Variants in NBEAL1 observed in about 807,000 individuals in gnomAD.
The protein encoded by NBEAL1 is neurobeachin like 1, also known as neurobeachin-like protein 1.
In NBEAL1, 273 loss-of-function variants were observed where a neutral mutation model predicts 351.3. The ratio of observed to expected loss-of-function variants is 0.78; its 90% confidence interval spans 0.70 to 0.86. The LOEUF is 0.86. NBEAL1 is among the 40% of genes least tolerant of loss of function. The pLI is 0.00. For missense variants in NBEAL1, 2,961 were observed against 3,201.3 expected, an observed-to-expected ratio of 0.92 and a Z score of 1.81; for synonymous variants, 1,050 against 1,086.4, an observed-to-expected ratio of 0.97 and a Z score of 0.66.
At chr2:203,022,368 A>G (rs2060785938) in intron 2 of NBEAL1, among the ~76,000 whole-genome samples, 1 of 152,166 alleles carries the variant, frequency 6.6e-6, no homozygotes, top group African/African-American at 2.4e-5. Flanking sequence ...CATTTTTGTC[A>G]TTAGCTTTAA....
In NBEAL1 at chr2:203,059,595, C is replaced by T. The variant is rs2106101752; in HGVS notation, c.515+2142C>T. Among the ~76,000 whole-genome samples, 2 of 152,376 alleles carry T rather than the reference C, an allele frequency of 1.3e-5. 1 individual carries two copies. ...AACTCATTGTCCAGAACTGTGATTA[C>T]ATGTCCCCATCTACTACAGTGGGGC... On this transcript the variant is annotated intron_variant, in intron 6 of 55. Coordinates refer to ENST00000683969, the MANE Select transcript of NBEAL1 (RefSeq NM_001378026.1).
rs371836597 is a variant in NBEAL1 at position 203,209,169 on chromosome 2, G to A, written c.7632G>A (p.Thr2544=). The A allele has an allele frequency of 3.7e-6, 6 of 1,611,632 alleles. No individual in the cohort carries two copies. Among genetic ancestry groups the A allele is most frequent in the African/African-American group, 1.3e-5 (1 of 74,926 alleles). Residue 2544 remains threonine (T), a synonymous_variant, in exon 53 of 56, where the codon ACG becomes ACA. Coordinates refer to ENST00000683969, the MANE Select transcript of NBEAL1 (RefSeq NM_001378026.1). ...DMAVSGSRDG[T]VIIHTIQKGQ... is the part of the protein sequence containing the mutation. ...ATATATCCTGTGTGTAGGATGGAACGGTGATTATACATACCATTCAGAAAG... is the reference window on the plus strand; with the variant it reads ...ATATATCCTGTGTGTAGGATGGAACAGTGATTATACATACCATTCAGAAAG...
At chr2:203,020,345 A>T (rs1439618868) in intron 2 of NBEAL1, among the ~76,000 whole-genome samples, 1 of 152,142 alleles carries the variant, frequency 6.6e-6, no homozygotes, top group Non-Finnish European at 1.5e-5. Context: ...CTTTCTAAAG[A>T]TTCTTTCACC....
At chr2:203,160,420 T>C (rs1218202732) in intron 36 of NBEAL1, among the ~76,000 whole-genome samples, 1 of 152,154 alleles carries the variant, frequency 6.6e-6, no homozygotes, top group Non-Finnish European at 1.5e-5. Context: ...TGTCTCTTTA[T>C]TGATAGTCTC....
At chr2:203,113,778 C>T (rs981064881) in intron 17 of NBEAL1, among the ~76,000 whole-genome samples, 2 of 150,562 alleles carry the variant, frequency 1.3e-5, no homozygotes, top group South Asian at 4.2e-4. Flanking sequence ...ATGGTCTTTT[C>T]TCTGTGTGCA....
At chr2:203,115,130 CTTT>C (rs879546697) in intron 17 of NBEAL1, among the ~76,000 whole-genome samples, 4 of 132,896 alleles carry the variant, frequency 3.0e-5, no homozygotes, top group Non-Finnish European at 3.3e-5. Flanking sequence ...TAATTTCTTT[CTTT>C]TTTTTTTTTT....
At position 203,211,053 on chromosome 2, in the gene NBEAL1, A is replaced by G; in HGVS notation, c.7881A>G (p.Glu2627=). The change falls in exon 54 of 56, where the codon GAA becomes GAG. Residue 2627 remains glutamate, a synonymous_variant. Transcript: ENST00000683969. The part of the protein sequence containing the change: ...EQVSDICIIG[E]HIVTGSIQGF... ...TATCAGATATATGTATAATCGGAGA[A>G]CACATTGTCACAGGCAGCATACAAG... 1.9e-6 allele frequency: 3 copies of G among 1,607,930 alleles called. No individual in the cohort carries two copies. The highest frequency in any genetic ancestry group is 2.7e-5 in the African/African-American group (2 of 74,922).
chr2:203,135,922 G>T lies in NBEAL1; in HGVS notation c.4059G>T (p.Val1353=), dbSNP rs2063192993. The change falls in exon 28 of 56, where the codon GTG becomes GTT. Residue 1353 remains valine, a synonymous_variant. Transcript: ENST00000683969. ...EKITSFASAN[V]SSDQWSLEDR... is the part of the protein sequence containing the mutation. The stretch of plus-strand genomic sequence containing the variant: ...TCACCTCTTTTGCCTCAGCTAATGT[G>T]TCTTCGGATCAGTGGAGTTTGGAGG... 3 of 1,614,062 alleles carry T rather than the reference G, an allele frequency of 1.9e-6. No individual in the cohort carries two copies. The highest frequency in any genetic ancestry group is 2.5e-6 in the Non-Finnish European group (3 of 1,180,022).
chr2:203,099,705 C>T lies in NBEAL1; in HGVS notation c.1262C>T (p.Ala421Val), dbSNP rs2062268505. The T allele has an allele frequency of 1.3e-6, 2 of 1,544,256 alleles. No individual in the cohort carries two copies. Among genetic ancestry groups the T allele is most frequent in the Non-Finnish European group, 8.7e-7 (1 of 1,143,140 alleles). ...ALTAVMNKSP[A>V]AKEVFKERIG... Reference sequence around the variant, plus strand: ...ACCGCAGTAATGAACAAATCTCCAGCTGCTAAGGTGAAACATATATCCTCC... The same window carrying T: ...ACCGCAGTAATGAACAAATCTCCAGTTGCTAAGGTGAAACATATATCCTCC... The change falls in exon 12 of 56, where the codon GCT (alanine) becomes GTT (valine). Residue 421 changes from alanine (A) to valine (V), a missense_variant. Physicochemically the swap from Ala to Val is moderately conservative, Grantham distance 64. Coordinates refer to ENST00000683969, the MANE Select transcript of NBEAL1 (RefSeq NM_001378026.1).
chr2:203,176,171 CT>C (rs34311199), intron 42 of NBEAL1, among the ~76,000 whole-genome samples: 1,785 of 122,868 alleles, frequency 0.015, 16 homozygotes, highest in African/African-American at 0.033. Flanking sequence ...TTTATTGCAT[CT>C]TTTTTTTTTT....
At chr2:203,054,139 C>T (rs2061369226) in intron 4 of NBEAL1, among the ~76,000 whole-genome samples, 2 of 152,094 alleles carry the variant, frequency 1.3e-5, no homozygotes, top group African/African-American at 4.8e-5. Context: ...AATTATTGTC[C>T]TGCTGGCGGA....
At chr2:203,021,759 A>G (rs1026174373) in intron 2 of NBEAL1, among the ~76,000 whole-genome samples, 12 of 152,112 alleles carry the variant, frequency 7.9e-5, no homozygotes, top group Admixed American at 7.2e-4. Flanking sequence ...GTAGAAAAAG[A>G]CATGTATCGG....
At chr2:203,126,953 T>C (rs1259990049) in intron 23 of NBEAL1, 27 bp downstream of exon 23, 1 of 1,435,438 alleles carries the variant, frequency 7.0e-7, no homozygotes, top group East Asian at 2.5e-5. Flanking sequence ...CTTTCTCAGT[T>C]TGATATATTA....
intron 51 of NBEAL1, among the ~76,000 whole-genome samples, chr2:203,206,001 A>G (rs567583306): frequency 2.6e-5 from 4 of 152,370 alleles, no homozygotes; most frequent in Admixed American, 2.0e-4. Context: ...AACTATTCAA[A>G]TAAAACAAAT....
At chr2:203,072,002 G>A (rs149004975) in intron 7 of NBEAL1, among the ~76,000 whole-genome samples, 237 of 152,300 alleles carry the variant, frequency 1.6e-3, no homozygotes, top group Middle Eastern at 6.8e-3. Context: ...TGTGAGGGCA[G>A]CTCCACCATT....
In NBEAL1 at chr2:203,125,414, C is replaced by G. The variant is rs989135287; in HGVS notation, c.2745C>G (p.His915Gln). 1.0e-5 allele frequency: 16 copies of G among 1,548,446 alleles called. No individual in the cohort carries two copies. The highest frequency in any genetic ancestry group is 6.0e-5 in the South Asian group (5 of 82,970). ...VLFPLLEQIS[H>Q]FSEGQIPEEK... ...TTCCTTTATTGGAACAAATCAGCCA[C>G]TTTAGTGAAGGACAGATTCCTGAAG... Residue 915 changes from histidine (H) to glutamine (Q), a missense_variant, in exon 20 of 56, where the codon CAC (histidine) becomes CAG (glutamine). Physicochemically the swap from His to Gln is conservative, Grantham distance 24. Transcript: ENST00000683969.
In NBEAL1 at chr2:203,099,531, G is replaced by C. The variant is rs2062262300; in HGVS notation, c.1186-98G>C. 18 of 693,136 alleles carry C rather than the reference G, an allele frequency of 2.6e-5. 1 individual carries two copies. In the South Asian group the frequency reaches 3.3e-4, roughly 13 times the overall value. 42.9% of individuals were successfully genotyped at this position (693,136 alleles called of 1,614,324 possible). The stretch of plus-strand genomic sequence containing the variant: ...AGAAGAGGAATGTAATGCATGTTAA[G>C]TAATTATTTTTTCAGGTTTTCAGAC... On this transcript the variant is annotated intron_variant, in intron 11 of 55. Coordinates refer to ENST00000683969, the MANE Select transcript of NBEAL1 (RefSeq NM_001378026.1).
intron 10 of NBEAL1, among the ~76,000 whole-genome samples, chr2:203,086,869 A>G (rs1049701545): frequency 2.0e-5 from 3 of 151,862 alleles, no homozygotes; most frequent in Non-Finnish European, 4.4e-5. Flanking sequence ...AGTCAAAGGC[A>G]CCATTATCGA....
At position 203,118,093 on chromosome 2, in the gene NBEAL1, G is replaced by A. The variant is rs570606382; in HGVS notation, c.2592+2023G>A. Among the ~76,000 whole-genome samples the A allele has an allele frequency of 2.6e-5, 4 of 152,248 alleles. No homozygotes were observed. The South Asian group carries it at 8.3e-4, about 32-fold the overall frequency. ...TGATACATTTCAAATCTAGAGAGGA[G>A]TCAAAAGAATGGTAAAGTGATATCC... On this transcript the variant is annotated intron_variant, in intron 18 of 55. Transcript: ENST00000683969.
Sources: gnomAD v4.1 joint callset for allele counts (sites outside exome capture counted in the v4.1 genomes callset) on GRCh38, gnomAD v4.1.1 for gene constraint, MANE v1.5 for transcripts, NCBI Gene and HGNC (gene_info 2026-07-23, HGNC 2026-07-21) for gene names.